B3GALT1: variants seen among roughly 807,000 people sequenced by gnomAD.
B3GALT1 encodes the protein UDP-Gal:betaGlcNAc beta 1,3-galactosyltransferase, polypeptide 1.
B3GALT1 carries 10 observed loss-of-function variants against 23.2 expected under a neutral mutation model. The ratio of observed to expected loss-of-function variants is 0.43; its 90% CI spans 0.27 to 0.73. B3GALT1 has a LOEUF of 0.73. B3GALT1 is among the 30% of genes least tolerant of loss of function. The pLI is 0.21. For synonymous variants in B3GALT1, 156 were observed against 141.5 expected (o/e 1.10, Z -0.73); for missense variants, 299 against 405.4 (o/e 0.74, Z 2.25).
intron 1 of B3GALT1, among the ~76,000 whole-genome samples, chr2:167,415,162 A>G (rs1164031556): frequency 6.6e-6 from 1 of 152,192 alleles, no homozygotes; most frequent in Non-Finnish European, 1.5e-5. Flanking sequence ...AGTACTGACA[A>G]GTGGGGCCTT....
chr2:167,535,747 G>T (rs1206182178), intron 2 of B3GALT1, among the ~76,000 whole-genome samples: 1 of 151,846 alleles, frequency 6.6e-6, no homozygotes, highest in Non-Finnish European at 1.5e-5. Flanking sequence ...AAAAAATGTG[G>T]TTTTTATCAT....
At chr2:167,651,401 ATAACT>A (rs935812381) in intron 3 of B3GALT1, among the ~76,000 whole-genome samples, 102 of 152,238 alleles carry the variant, frequency 6.7e-4, no homozygotes, top group Admixed American at 5.0e-3. Context: ...CTGTCTTCTG[ATAACT>A]TAACATCTTC....
chr2:167,509,000 T>G (rs1699964083), intron 2 of B3GALT1, among the ~76,000 whole-genome samples: 1 of 152,208 alleles, frequency 6.6e-6, no homozygotes, highest in African/African-American at 2.4e-5. Context: ...CTAACCCTTT[T>G]GTTCCCAAAG....
chr2:167,857,175 G>T (rs1690015045), intron 4 of B3GALT1, among the ~76,000 whole-genome samples: 1 of 152,038 alleles, frequency 6.6e-6, no homozygotes, highest in African/African-American at 2.4e-5. Context: ...CTTAACCCCA[G>T]AATATTTTAA....
At chr2:167,767,143 G>A (rs562576985) in intron 3 of B3GALT1, among the ~76,000 whole-genome samples, 41 of 152,292 alleles carry the variant, frequency 2.7e-4, no homozygotes, top group African/African-American at 8.7e-4. Flanking sequence ...CCATCAAGTG[G>A]AAAGTTTGTT....
chr2:167,349,259 G>T (rs923077641), intron 1 of B3GALT1, among the ~76,000 whole-genome samples: 2 of 152,092 alleles, frequency 1.3e-5, no homozygotes, highest in South Asian at 2.1e-4. Flanking sequence ...AATCCTTTTT[G>T]CCTGGTACCT....
intron 1 of B3GALT1, among the ~76,000 whole-genome samples, chr2:167,381,378 A>G (rs561326265): frequency 8.9e-4 from 136 of 152,274 alleles, no homozygotes; most frequent in African/African-American, 3.2e-3. Flanking sequence ...TTTGTTTTCA[A>G]TGGAATTTTA....
intron 2 of B3GALT1, among the ~76,000 whole-genome samples, chr2:167,509,769 A>G (rs990315203): frequency 4.6e-5 from 7 of 152,134 alleles, no homozygotes; most frequent in African/African-American, 1.7e-4. Context: ...CGTTAAGGGG[A>G]AAGACTTTGC....
At chr2:167,730,390 CT>C (rs1186340994) in intron 3 of B3GALT1, among the ~76,000 whole-genome samples, 1 of 152,144 alleles carries the variant, frequency 6.6e-6, no homozygotes, top group African/African-American at 2.4e-5. Flanking sequence ...TGTTTTCTTG[CT>C]TTTTTCAAAC....
In B3GALT1 at chr2:167,310,734, A is replaced by G. The variant is rs142387314; in HGVS notation, c.-511+17400A>G. The stretch of plus-strand genomic sequence containing the variant: ...AGGGTTTTGAATGGGAAGGTGGGGT[A>G]ATGTGTTCTCTGGCTGACATAAGTA... On this transcript the variant is annotated intron_variant, in intron 1 of 4. Coordinates refer to ENST00000392690, the MANE Select transcript of B3GALT1 (RefSeq NM_020981.4). Among the ~76,000 whole-genome samples, 30 of 152,148 alleles carry G rather than the reference A, an allele frequency of 2.0e-4. No individual in the cohort carries two copies. In the East Asian group the frequency reaches 5.4e-3, roughly 27 times the overall value.
Position 167,665,116 on chromosome 2 carries a change from T to A in B3GALT1, c.-352+18150T>A, listed in dbSNP as rs548543410. Among the ~76,000 whole-genome samples, 14 of 152,072 alleles carry A rather than the reference T, an allele frequency of 9.2e-5. No individual in the cohort carries two copies. In the South Asian group the frequency reaches 1.5e-3, roughly 16 times the overall value. On this transcript the variant is annotated intron_variant, in intron 3 of 4. Coordinates refer to ENST00000392690, the MANE Select transcript of B3GALT1 (RefSeq NM_020981.4). ...CTGTGGGTTTGTCATAGTTAGCTCTTATTATTTTGAGATATGTCCCATCAA... is the reference window on the plus strand; with the variant it reads ...CTGTGGGTTTGTCATAGTTAGCTCTAATTATTTTGAGATATGTCCCATCAA...
At chr2:167,574,050 T>G (rs1267994827) in intron 2 of B3GALT1, among the ~76,000 whole-genome samples, 1 of 151,712 alleles carries the variant, frequency 6.6e-6, no homozygotes, top group East Asian at 1.9e-4. Context: ...CCAGAATCAT[T>G]TTGAATTTAC....
At chr2:167,819,214 C>T in intron 4 of B3GALT1, among the ~76,000 whole-genome samples, 1 of 152,146 alleles carries the variant, frequency 6.6e-6, no homozygotes, top group East Asian at 1.9e-4. Flanking sequence ...TGACCTAAGA[C>T]AATTCCTATT....
At chr2:167,723,082 A>G (rs1558959776) in intron 3 of B3GALT1, among the ~76,000 whole-genome samples, 2 of 152,358 alleles carry the variant, frequency 1.3e-5, no homozygotes, top group East Asian at 1.9e-4. Context: ...AACTAGTGTC[A>G]GCAGTCACTA....
At chr2:167,411,421 A>C (rs1034048015) in intron 1 of B3GALT1, among the ~76,000 whole-genome samples, 1 of 151,098 alleles carries the variant, frequency 6.6e-6, no homozygotes, top group Non-Finnish European at 1.5e-5. Context: ...ATTTGAGTTT[A>C]AAATTGGCAA....
intron 3 of B3GALT1, chr2:167,715,490 A>G: frequency 3.1e-6 from 5 of 1,609,680 alleles, no homozygotes; most frequent in Non-Finnish European, 4.3e-6. Context: ...CTTGCAGATG[A>G]TTTTGGCTTC....
chr2:167,600,743 G>T (rs1169931755), intron 2 of B3GALT1, among the ~76,000 whole-genome samples: 1 of 152,120 alleles, frequency 6.6e-6, no homozygotes, highest in Non-Finnish European at 1.5e-5. Flanking sequence ...CTGAAAACAT[G>T]GCTGAATAAC....
intron 4 of B3GALT1, among the ~76,000 whole-genome samples, chr2:167,849,865 C>G (rs1256352442): frequency 2.9e-5 from 4 of 139,026 alleles, no homozygotes; most frequent in Non-Finnish European, 3.0e-5. Context: ...ACTCCAGCCC[C>G]GGGAAAAGAG....
chr2:167,393,288 T>A lies in B3GALT1; in HGVS notation c.-510-96889T>A, dbSNP rs550014646. Among the ~76,000 whole-genome samples, 467 of 151,110 alleles carry A rather than the reference T, an allele frequency of 3.1e-3. 3 individuals are homozygous for A. Among genetic ancestry groups the A allele is most frequent in the African/African-American group, 0.01 (420 of 41,238 alleles). On this transcript the variant is annotated intron_variant, in intron 1 of 4. Coordinates refer to ENST00000392690, the MANE Select transcript of B3GALT1 (RefSeq NM_020981.4). ...TGTTGTTGGTGAGTTTTTTTTTTTT[T>A]AATTATATAGTCACGCCTGTGATCT...
Sources: allele counts gnomAD v4.1 joint callset (sites outside exome capture counted in the v4.1 genomes callset), GRCh38; gene constraint gnomAD v4.1.1; transcripts MANE v1.5; gene names NCBI Gene and HGNC (gene_info 2026-07-23, HGNC 2026-07-21).